SCMH1: variants seen among roughly 807,000 people sequenced by gnomAD.
The protein encoded by SCMH1 is Scm polycomb group protein homolog 1, also known as polycomb protein SCMH1.
Under a neutral mutation model 70.8 loss-of-function variants are expected in SCMH1, and 37 were observed. That is an observed-to-expected ratio of 0.52 (90% CI 0.40 to 0.69). The LOEUF is 0.69. Among genes scored for constraint, SCMH1 ranks in the 30% least tolerant of loss-of-function variants. The probability of loss-of-function intolerance (pLI) is 0.00; values close to 1 mark genes in which losing one functional copy is unlikely to be tolerated. For missense variants in SCMH1, 607 were observed against 827.3 expected (o/e 0.73, Z 3.27); for synonymous variants, 292 against 307.4 (o/e 0.95, Z 0.52).
chr1:41,213,071 A>G (rs947734071), intron 1 of SCMH1, among the ~76,000 whole-genome samples: 1 of 152,206 alleles, frequency 6.6e-6, no homozygotes, highest in African/African-American at 2.4e-5. Flanking sequence ...GATAGATCCA[A>G]ATAATAAATA....
chr1:41,171,254 G>A (rs1418074962), intron 2 of SCMH1, among the ~76,000 whole-genome samples: 2 of 152,158 alleles, frequency 1.3e-5, no homozygotes, highest in African/African-American at 4.8e-5. Context: ...GGAAGGGACA[G>A]CATTTTGTCC....
chr1:41,122,439 C>T (rs1278199587), intron 6 of SCMH1, among the ~76,000 whole-genome samples: 2 of 152,158 alleles, frequency 1.3e-5, no homozygotes, highest in East Asian at 3.8e-4. Context: ...TTATTCCTAG[C>T]CCCTATCACC....
chr1:41,105,349 C>T (rs11209531), intron 8 of SCMH1, among the ~76,000 whole-genome samples: 16,515 of 152,112 alleles, frequency 0.11, 1,278 homozygotes, highest in East Asian at 0.28. Context: ...ATCTGAATAA[C>T]GGCTTTAGAT....
At chr1:41,084,325 C>G (rs1373617038) in intron 8 of SCMH1, among the ~76,000 whole-genome samples, 1 of 152,208 alleles carries the variant, frequency 6.6e-6, no homozygotes, top group Non-Finnish European at 1.5e-5. Flanking sequence ...AGGACATGAA[C>G]AGACCCTTCT....
intron 10 of SCMH1, among the ~76,000 whole-genome samples, chr1:41,056,284 TATC>T (rs1650260712): frequency 6.6e-6 from 1 of 152,338 alleles, no homozygotes; most frequent in East Asian, 1.9e-4. Context: ...TGAATGGAAT[TATC>T]ATAAGCCCCA....
At chr1:41,078,323 CA>C (rs924709419) in intron 8 of SCMH1, among the ~76,000 whole-genome samples, 2 of 151,978 alleles carry the variant, frequency 1.3e-5, no homozygotes, top group African/African-American at 4.8e-5. Flanking sequence ...GAAGAAAAAG[CA>C]ATATATGAAA....
At chr1:41,143,828 G>C (rs1644317550) in intron 5 of SCMH1, among the ~76,000 whole-genome samples, 1 of 152,168 alleles carries the variant, frequency 6.6e-6, no homozygotes, top group East Asian at 1.9e-4. Context: ...TCTAGTCTTA[G>C]ATGGAATCAT....
intron 6 of SCMH1, among the ~76,000 whole-genome samples, chr1:41,121,836 G>A (rs1483339639): frequency 6.6e-6 from 1 of 151,972 alleles, no homozygotes; most frequent in Non-Finnish European, 1.5e-5. Context: ...TTAATAGGTG[G>A]CACCCCTTAT....
intron 12 of SCMH1, among the ~76,000 whole-genome samples, chr1:41,042,729 C>A (rs1055523232): frequency 6.6e-6 from 1 of 152,224 alleles, no homozygotes; most frequent in Admixed American, 6.5e-5. Flanking sequence ...TCACCACATA[C>A]ATGTTCACAT....
At chr1:41,233,623 C>T (rs902783364) in intron 1 of SCMH1, among the ~76,000 whole-genome samples, 2 of 152,088 alleles carry the variant, frequency 1.3e-5, no homozygotes, top group Non-Finnish European at 2.9e-5. Flanking sequence ...CTGAGATATC[C>T]ATATCTCTAT....
chr1:41,104,005 C>A (rs1426389076), intron 8 of SCMH1, among the ~76,000 whole-genome samples: 1 of 152,106 alleles, frequency 6.6e-6, no homozygotes, highest in Non-Finnish European at 1.5e-5. Flanking sequence ...CTGCAGAAGC[C>A]TCATCTCATA....
At chr1:41,143,433 A>G (rs1644277636) in intron 5 of SCMH1, among the ~76,000 whole-genome samples, 1 of 152,068 alleles carries the variant, frequency 6.6e-6, no homozygotes, top group Non-Finnish European at 1.5e-5. Context: ...ATCCCTTTTT[A>G]GTCTTTTTAG....
chr1:41,187,164 C>T (rs75149368), intron 1 of SCMH1, among the ~76,000 whole-genome samples: 11,873 of 152,128 alleles, frequency 0.078, 598 homozygotes, highest in South Asian at 0.13. Flanking sequence ...CCCTTTAAGA[C>T]GTTAGGCAGG....
chr1:41,030,508 G>A (rs928846386), intron 13 of SCMH1, among the ~76,000 whole-genome samples: 6 of 152,090 alleles, frequency 3.9e-5, no homozygotes, highest in Admixed American at 1.3e-4. Context: ...TCCTGGGTCT[G>A]GAATGTTCTT....
At chr1:41,223,694 T>C (rs185476574) in intron 1 of SCMH1, among the ~76,000 whole-genome samples, 27 of 152,298 alleles carry the variant, frequency 1.8e-4, no homozygotes, top group Middle Eastern at 3.4e-3. Flanking sequence ...TCCAGCGCCA[T>C]CTTTAATTCT....
rs948191568 is a variant in SCMH1, at chr1:41,120,238, T to G, written c.413-3228A>C. Among the ~76,000 whole-genome samples, 4 of 152,160 alleles carry G rather than the reference T, an allele frequency of 2.6e-5. No individual in the cohort carries two copies. In the East Asian group the frequency reaches 7.7e-4, roughly 29 times the overall value. ...GGGGGGTTTCTATCTCATCTGAAGC[T>G]TAAGGAGCTAAAAAATCCTCTCAGC... is the stretch of plus-strand genomic sequence containing the variant. On this transcript the variant is annotated intron_variant, in intron 6 of 14. Transcript: ENST00000337495.
chr1:41,241,997 C>T (rs1305734816), intron 1 of SCMH1, 62 bp downstream of exon 1: 1 of 152,244 alleles, frequency 6.6e-6, no homozygotes, highest in Non-Finnish European at 1.5e-5. Flanking sequence ...CGCCTTCTGG[C>T]CCCAGGCGGC....
intron 4 of SCMH1, among the ~76,000 whole-genome samples, chr1:41,157,285 A>G (rs1645636632): frequency 6.6e-6 from 1 of 152,194 alleles, no homozygotes; most frequent in African/African-American, 2.4e-5. Context: ...AAATACTATT[A>G]TAATTTTATT....
chr1:41,150,571 G>A (rs1486322222), intron 5 of SCMH1, among the ~76,000 whole-genome samples: 1 of 152,068 alleles, frequency 6.6e-6, no homozygotes, highest in African/African-American at 2.4e-5. Flanking sequence ...GTTTCAGGTG[G>A]AAGTATAAAT....
Sources: gnomAD v4.1 joint callset for allele counts (sites outside exome capture counted in the v4.1 genomes callset) on GRCh38, gnomAD v4.1.1 for gene constraint, MANE v1.5 for transcripts, NCBI Gene and HGNC (gene_info 2026-07-23, HGNC 2026-07-21) for gene names.